CDKAL1: variants seen among roughly 807,000 people sequenced by gnomAD.
CDKAL1 encodes CDKAL1 threonylcarbamoyladenosine tRNA methylthiotransferase, also known as threonylcarbamoyladenosine tRNA methylthiotransferase.
CDKAL1 carries 32 observed loss-of-function variants against 68.2 expected under a neutral mutation model. The observed-to-expected ratio is 0.47, with a 90% CI of 0.35 to 0.63. The LOEUF is 0.63. Ranked by LOEUF, CDKAL1 falls within the 30% of genes least tolerant of loss-of-function variation. The pLI, the probability that CDKAL1 is intolerant of heterozygous loss-of-function variation, is 0.00. For missense variants in CDKAL1, 606 were observed against 696.7 expected, an observed-to-expected ratio of 0.87 and a Z score of 1.47; for synonymous variants, 234 against 244.3, an observed-to-expected ratio of 0.96 and a Z score of 0.39.
chr6:21,139,837 T>C (rs1394668806), intron 13 of CDKAL1, among the ~76,000 whole-genome samples: 1 of 152,184 alleles, frequency 6.6e-6, no homozygotes, highest in Admixed American at 6.5e-5. Flanking sequence ...GTCTTTACTT[T>C]TAGAAAATAT....
intron 8 of CDKAL1, among the ~76,000 whole-genome samples, chr6:20,787,550 G>A (rs893645045): frequency 3.9e-5 from 6 of 152,144 alleles, no homozygotes. Flanking sequence ...TGGAGTCCTC[G>A]TTGTCTCTCT....
chr6:21,046,705 A>G (rs1770252407), intron 11 of CDKAL1, among the ~76,000 whole-genome samples: 1 of 152,242 alleles, frequency 6.6e-6, no homozygotes, highest in Admixed American at 6.5e-5. Flanking sequence ...TAACAAACAG[A>G]CACATTTCAT....
intron 9 of CDKAL1, among the ~76,000 whole-genome samples, chr6:20,855,847 A>C (rs1037218365): frequency 6.6e-6 from 1 of 152,238 alleles, no homozygotes; most frequent in African/African-American, 2.4e-5. Flanking sequence ...GCTGATTCAG[A>C]AAGCGATATG....
rs377444287 is a variant in CDKAL1, at chr6:20,900,685, T to C, written c.742+54507T>C. ...TGCAGTAGTCATTTCCAAGTTTCTT[T>C]TCATGCAATCACCTTGTTTTTTGCT... is the stretch of plus-strand genomic sequence containing the variant. On this transcript the variant is annotated intron_variant, in intron 9 of 15. Transcript: ENST00000274695. Among the ~76,000 whole-genome samples, 214 of 152,342 alleles carry C rather than the reference T, an allele frequency of 1.4e-3. 1 individual carries two copies. Among genetic ancestry groups the C allele is most frequent in the Middle Eastern group, 6.8e-3 (2 of 294 alleles).
intron 4 of CDKAL1, among the ~76,000 whole-genome samples, chr6:20,567,917 C>G (rs1000276508): frequency 6.6e-6 from 1 of 151,968 alleles, no homozygotes; most frequent in East Asian, 1.9e-4. Flanking sequence ...CCTCTGTCGC[C>G]CAGGCTGGAG....
chr6:20,969,210 C>T (rs1765473115), intron 10 of CDKAL1, among the ~76,000 whole-genome samples: 1 of 152,112 alleles, frequency 6.6e-6, no homozygotes, highest in Non-Finnish European at 1.5e-5. Context: ...TACTAATAGC[C>T]TACTGTTGAT....
chr6:21,059,730 T>G (rs1771037020), intron 11 of CDKAL1, among the ~76,000 whole-genome samples: 1 of 152,026 alleles, frequency 6.6e-6, no homozygotes, highest in Non-Finnish European at 1.5e-5. Flanking sequence ...GGCAGCTGCT[T>G]CTAATTGGCC....
chr6:20,637,052 AG>A lies in CDKAL1; in HGVS notation c.287-12240del, dbSNP rs1278304036. 1.5e-5 allele frequency among the ~76,000 whole-genome samples: 2 copies of A among 134,734 alleles called. 1 individual carries two copies. The highest frequency in any genetic ancestry group is 6.2e-5 in the African/African-American group (2 of 32,026). The allele number at this position is 134,734 out of a possible 152,430, so 88.4% of individuals were successfully genotyped here. On this transcript the variant is annotated intron_variant, in intron 4 of 15. Transcript: ENST00000274695. ...ACTCCGTCTCAAAAAAAAAAAAAAA[AG>A]AAAAAAGAAAAAAGAAAGGACTGTT...
chr6:20,583,898 G>C (rs1270694480), intron 4 of CDKAL1, among the ~76,000 whole-genome samples: 3 of 151,698 alleles, frequency 2.0e-5, no homozygotes, highest in African/African-American at 7.3e-5. Flanking sequence ...AGTTTCAGCA[G>C]ATTTAATAAG....
intron 9 of CDKAL1, among the ~76,000 whole-genome samples, chr6:20,915,350 TCA>T (rs1336164333): frequency 2.0e-5 from 3 of 152,146 alleles, no homozygotes; most frequent in African/African-American, 7.2e-5. Context: ...GAACTGGCTC[TCA>T]CGACTGTGGG....
At chr6:20,935,726 G>A (rs775127670) in intron 9 of CDKAL1, among the ~76,000 whole-genome samples, 3 of 152,068 alleles carry the variant, frequency 2.0e-5, no homozygotes, top group Non-Finnish European at 4.4e-5. Flanking sequence ...CACCATGCCC[G>A]GCCAAAATTA....
intron 12 of CDKAL1, among the ~76,000 whole-genome samples, chr6:21,089,248 G>A (rs2150966893): frequency 6.6e-6 from 1 of 152,208 alleles, no homozygotes; most frequent in East Asian, 1.9e-4. Flanking sequence ...GGCTGAGGTG[G>A]GAGGATTGCT....
At chr6:21,160,829 G>A (rs760388238) in intron 13 of CDKAL1, among the ~76,000 whole-genome samples, 40 of 151,438 alleles carry the variant, frequency 2.6e-4, no homozygotes, top group Admixed American at 1.3e-4. Flanking sequence ...TTTTAGCCCT[G>A]CGTGCAGGTA....
chr6:20,772,282 G>T (rs902336050), intron 7 of CDKAL1, among the ~76,000 whole-genome samples: 1 of 152,108 alleles, frequency 6.6e-6, no homozygotes, highest in Non-Finnish European at 1.5e-5. Context: ...TAGAATTCAG[G>T]AGAGTCTGTT....
intron 4 of CDKAL1, among the ~76,000 whole-genome samples, chr6:20,611,085 CTT>C (rs1766597532): frequency 6.6e-6 from 1 of 152,176 alleles, no homozygotes; most frequent in Admixed American, 6.5e-5. Context: ...CATCTGTTTT[CTT>C]TCTCTGCAGG....
intron 13 of CDKAL1, among the ~76,000 whole-genome samples, chr6:21,109,511 C>A (rs902471145): frequency 6.6e-6 from 1 of 152,132 alleles, no homozygotes; most frequent in African/African-American, 2.4e-5. Context: ...GACTTAAGCA[C>A]CAAAAACTCG....
chr6:20,641,485 C>CT (rs1768171316), intron 4 of CDKAL1, among the ~76,000 whole-genome samples: 1 of 152,130 alleles, frequency 6.6e-6, no homozygotes, highest in South Asian at 2.1e-4. Flanking sequence ...CCCACTGAAC[C>CT]TTTATCTTGC....
At chr6:20,785,218 C>G (rs1775616836) in intron 8 of CDKAL1, among the ~76,000 whole-genome samples, 1 of 152,130 alleles carries the variant, frequency 6.6e-6, no homozygotes, top group Admixed American at 6.5e-5. Context: ...CTTCCTGAAT[C>G]AGTTGCAGCC....
intron 4 of CDKAL1, chr6:20,559,425 G>A (rs1764184504): frequency 6.6e-6 from 1 of 152,192 alleles, no homozygotes; most frequent in Non-Finnish European, 1.5e-5. Flanking sequence ...GGCAATTAAA[G>A]TATTTTGATA....
Sources: allele counts gnomAD v4.1 joint callset (sites outside exome capture counted in the v4.1 genomes callset), GRCh38; gene constraint gnomAD v4.1.1; transcripts MANE v1.5; gene names NCBI Gene and HGNC (gene_info 2026-07-23, HGNC 2026-07-21).